NLGN1: variants seen among roughly 807,000 people sequenced by gnomAD.
The protein encoded by NLGN1 is neuroligin-1.
Under a neutral mutation model 65.5 loss-of-function variants are expected in NLGN1, and 12 were observed. The observed-to-expected ratio is 0.18, with a 90% CI of 0.12 to 0.30. The LOEUF (loss-of-function observed/expected upper bound fraction) is 0.30. NLGN1 is among the 10% of genes least tolerant of loss of function. The probability of loss-of-function intolerance (pLI) is 1.00; values close to 1 mark genes in which losing one functional copy is unlikely to be tolerated. For missense variants in NLGN1, 750 were observed against 1,007.1 expected, an observed-to-expected ratio of 0.74 and a Z score of 3.46; for synonymous variants, 350 against 359.5, an observed-to-expected ratio of 0.97 and a Z score of 0.30.
chr3:174,291,163 A>G (rs490894), downstream of NLGN1, among the ~76,000 whole-genome samples: 109,206 of 149,978 alleles, frequency 0.73, 40,430 homozygotes, highest in African/African-American at 0.86. Context: ...GTTTCAAAAA[A>G]GAAGGAATAG....
chr3:173,613,032 C>T lies in NLGN1; in HGVS notation c.493+7941C>T, dbSNP rs914158738. ...TCAACGTAATTAATTATATCTGTAA[C>T]GATCTCATTTCTAAATAAGGTCACA... is the stretch of plus-strand genomic sequence containing the variant. On this transcript the variant is annotated intron_variant, in intron 3 of 6. Transcript: ENST00000457714. Among the ~76,000 whole-genome samples, 18 of 152,126 alleles carry T rather than the reference C, an allele frequency of 1.2e-4. 1 individual carries two copies. Among genetic ancestry groups the T allele is most frequent in the Non-Finnish European group, 2.9e-5 (2 of 67,990 alleles).
chr3:174,208,089 T>TG, intron 4 of NLGN1, among the ~76,000 whole-genome samples: 1 of 152,292 alleles, frequency 6.6e-6, no homozygotes, highest in Middle Eastern at 3.4e-3. Context: ...CATGAATGGA[T>TG]GATATAAAAT....
At chr3:173,521,333 T>C (rs1734722650) in intron 2 of NLGN1, among the ~76,000 whole-genome samples, 1 of 152,190 alleles carries the variant, frequency 6.6e-6, no homozygotes, top group African/African-American at 2.4e-5. Context: ...TTTGAGACTT[T>C]GGTGAAGCCA....
chr3:173,978,042 G>A (rs969008823), intron 4 of NLGN1, among the ~76,000 whole-genome samples: 1 of 151,986 alleles, frequency 6.6e-6, no homozygotes, highest in African/African-American at 2.4e-5. Flanking sequence ...TTGAAGCCAA[G>A]GGGAGAGAAA....
intron 3 of NLGN1, chr3:173,695,578 G>A (rs1433275904): frequency 9.0e-6 from 3 of 332,298 alleles, no homozygotes; most frequent in Admixed American, 7.7e-5. Context: ...ATACTAGCAT[G>A]CTAACTATTA....
At chr3:174,115,888 T>C (rs571554910) in intron 4 of NLGN1, among the ~76,000 whole-genome samples, 1 of 152,344 alleles carries the variant, frequency 6.6e-6, no homozygotes, top group African/African-American at 2.4e-5. Flanking sequence ...TGTGGTCACC[T>C]CAAGCACTAA....
intron 4 of NLGN1, among the ~76,000 whole-genome samples, chr3:173,967,273 A>G (rs1715100703): frequency 6.6e-6 from 1 of 152,178 alleles, no homozygotes. Flanking sequence ...ATAGCAGCAA[A>G]CAGACCATGC....
intron 4 of NLGN1, among the ~76,000 whole-genome samples, chr3:174,242,295 G>T (rs1395371059): frequency 6.6e-6 from 1 of 151,788 alleles, no homozygotes; most frequent in Admixed American, 6.6e-5. Context: ...GAATCAGGCC[G>T]CACAAGAGAA....
intron 3 of NLGN1, among the ~76,000 whole-genome samples, chr3:173,731,757 C>T (rs939145515): frequency 6.6e-6 from 1 of 151,864 alleles, no homozygotes; most frequent in Non-Finnish European, 1.5e-5. Context: ...TATTCTGTAC[C>T]TATAATTTAC....
intron 2 of NLGN1, among the ~76,000 whole-genome samples, chr3:173,553,481 A>G (rs898153709): frequency 3.3e-5 from 5 of 152,194 alleles, no homozygotes; most frequent in African/African-American, 9.6e-5. Flanking sequence ...CTCACAAATG[A>G]AATCTATTTA....
chr3:173,529,766 G>A (rs1736242149), intron 2 of NLGN1, among the ~76,000 whole-genome samples: 1 of 152,114 alleles, frequency 6.6e-6, no homozygotes, highest in South Asian at 2.1e-4. Context: ...CGTCAATGCA[G>A]TAATGTTGCT....
intron 4 of NLGN1, among the ~76,000 whole-genome samples, chr3:173,885,675 T>A (rs1462020952): frequency 1.3e-5 from 2 of 152,098 alleles, no homozygotes; most frequent in Non-Finnish European, 2.9e-5. Context: ...CCATAATCAA[T>A]TCACTAAATA....
intron 2 of NLGN1, among the ~76,000 whole-genome samples, chr3:173,441,146 T>C (rs1240418513): frequency 6.6e-6 from 1 of 152,214 alleles, no homozygotes; most frequent in African/African-American, 2.4e-5. Context: ...TTCACAGAAT[T>C]GAAGAGTTAG....
intron 4 of NLGN1, among the ~76,000 whole-genome samples, chr3:173,961,584 C>T (rs1383079304): frequency 1.3e-5 from 2 of 151,914 alleles, no homozygotes; most frequent in African/African-American, 4.8e-5. Flanking sequence ...TAGTGAAGGA[C>T]ATGAGGCATA....
intron 4 of NLGN1, among the ~76,000 whole-genome samples, chr3:174,016,169 G>C (rs1294482457): frequency 6.6e-6 from 1 of 152,190 alleles, no homozygotes; most frequent in Non-Finnish European, 1.5e-5. Context: ...GCTCCATTTT[G>C]AGTCTAAACT....
chr3:173,901,005 G>A (rs1274908474), intron 4 of NLGN1, among the ~76,000 whole-genome samples: 1 of 151,948 alleles, frequency 6.6e-6, no homozygotes, highest in Non-Finnish European at 1.5e-5. Flanking sequence ...TGGAACTGCT[G>A]TTTAAGAAAA....
At chr3:173,833,795 C>T (rs1352569748) in intron 4 of NLGN1, among the ~76,000 whole-genome samples, 1 of 152,148 alleles carries the variant, frequency 6.6e-6, no homozygotes, top group Non-Finnish European at 1.5e-5. Flanking sequence ...GCCACCGCAC[C>T]TGGCCATCTT....
intron 3 of NLGN1, among the ~76,000 whole-genome samples, chr3:173,678,390 G>A (rs972003061): frequency 1.3e-5 from 2 of 151,950 alleles, no homozygotes; most frequent in East Asian, 3.9e-4. Flanking sequence ...GCCATTGGAT[G>A]TACAAAAAAG....
chr3:174,248,632 G>A (rs1744228747), intron 4 of NLGN1, among the ~76,000 whole-genome samples: 1 of 152,078 alleles, frequency 6.6e-6, no homozygotes, highest in Non-Finnish European at 1.5e-5. Flanking sequence ...GTGGTGGCAC[G>A]TGCCTTTAGT....
Sources: allele counts gnomAD v4.1 joint callset (sites outside exome capture counted in the v4.1 genomes callset), GRCh38; gene constraint gnomAD v4.1.1; transcripts MANE v1.5; gene names NCBI Gene and HGNC (gene_info 2026-07-23, HGNC 2026-07-21).